CLVS1: variants seen among roughly 807,000 people sequenced by gnomAD.
The protein encoded by CLVS1 is clavesin-1.
Under a neutral mutation model 33.1 loss-of-function variants are expected in CLVS1, and 10 were observed. That is an observed-to-expected ratio of 0.30 (90% CI 0.19 to 0.51). CLVS1 has a LOEUF of 0.51. Among genes scored for constraint, CLVS1 ranks in the 20% least tolerant of loss-of-function variants. The probability of loss-of-function intolerance (pLI) is 0.97; values close to 1 mark genes in which losing one functional copy is unlikely to be tolerated. For missense variants in CLVS1, 343 were observed against 433.4 expected (o/e 0.79, Z 1.85); for synonymous variants, 163 against 166.1 (o/e 0.98, Z 0.14).
chr8:60,975,550 T>G, the CLVS1 span, among the ~76,000 whole-genome samples: 1 of 152,122 alleles, frequency 6.6e-6, no homozygotes, highest in African/African-American at 2.4e-5. Context: ...AAGACAAAAA[T>G]TTCCTGGAGC....
the CLVS1 span, among the ~76,000 whole-genome samples, chr8:60,979,846 G>C: frequency 6.6e-6 from 1 of 152,156 alleles, no homozygotes; most frequent in Non-Finnish European, 1.5e-5. Context: ...GTCCAGAAGA[G>C]GTGATTGTAG....
At chr8:61,340,561 C>A (rs1811995182) in intron 2 of CLVS1, among the ~76,000 whole-genome samples, 1 of 151,430 alleles carries the variant, frequency 6.6e-6, no homozygotes, top group East Asian at 1.9e-4. Context: ...TATATATATA[C>A]CACATTTAAA....
chr8:61,363,311 C>T (rs375895924), intron 2 of CLVS1, among the ~76,000 whole-genome samples: 24 of 152,132 alleles, frequency 1.6e-4, no homozygotes, highest in South Asian at 2.1e-4. Flanking sequence ...ACATATTTAA[C>T]GCATTTTCCA....
intron 2 of CLVS1, among the ~76,000 whole-genome samples, chr8:61,336,486 G>C (rs1311027011): frequency 6.6e-6 from 1 of 152,164 alleles, no homozygotes; most frequent in African/African-American, 2.4e-5. Flanking sequence ...CTCACCACCA[G>C]AGAAACCTCT....
intron 2 of CLVS1, among the ~76,000 whole-genome samples, chr8:61,204,628 G>T (rs1807802800): frequency 6.6e-6 from 1 of 152,074 alleles, no homozygotes; most frequent in Non-Finnish European, 1.5e-5. Flanking sequence ...AAAAATAAAA[G>T]AATTTCATAG....
intron 2 of CLVS1, among the ~76,000 whole-genome samples, chr8:61,199,881 T>C (rs1033883589): frequency 1.3e-5 from 2 of 152,212 alleles, no homozygotes; most frequent in African/African-American, 2.4e-5. Flanking sequence ...GTGTCCATTA[T>C]TAGTTTACCA....
intron 1 of CLVS1, among the ~76,000 whole-genome samples, chr8:61,122,626 C>G (rs1401116979): frequency 7.0e-6 from 1 of 142,496 alleles, no homozygotes; most frequent in African/African-American, 2.6e-5. Context: ...AAACAGCAAG[C>G]AAGAAGTGAA....
intron 3 of CLVS1, among the ~76,000 whole-genome samples, chr8:61,444,723 G>T (rs1398165125): frequency 6.6e-6 from 1 of 152,128 alleles, no homozygotes; most frequent in African/African-American, 2.4e-5. Context: ...TTGGGCAAGA[G>T]CCTTTATTGT....
At chr8:61,440,016 C>G (rs1176319339) in intron 3 of CLVS1, among the ~76,000 whole-genome samples, 2 of 152,202 alleles carry the variant, frequency 1.3e-5, no homozygotes, top group East Asian at 1.9e-4. Flanking sequence ...GTTATCTAAG[C>G]AATTTATTAG....
intron 1 of CLVS1, among the ~76,000 whole-genome samples, chr8:61,083,467 G>C (rs896243250): frequency 6.6e-6 from 1 of 152,154 alleles, no homozygotes; most frequent in Non-Finnish European, 1.5e-5. Context: ...CCCAACTGAG[G>C]GGGTTTGGGA....
chr8:61,458,471 C>T lies in CLVS1; in HGVS notation c.906C>T (p.Ser302=). 1 of 1,614,024 alleles carries T rather than the reference C, an allele frequency of 6.2e-7. No individual in the cohort carries two copies. The highest frequency in any genetic ancestry group is 1.1e-5 in the South Asian group (1 of 91,062). The stretch of plus-strand genomic sequence containing the variant: ...ATGAAAATGACTATACTCACACATC[C>T]TATAATGCAATGCACGTGAAGCATA... The part of the protein sequence containing the change: ...YSDENDYTHT[S]YNAMHVKHTS... Residue 302 remains serine, a synonymous_variant, in exon 5 of 6, where the codon TCC becomes TCT. Coordinates refer to ENST00000325897, the MANE Select transcript of CLVS1 (RefSeq NM_173519.3).
chr8:61,112,736 C>A (rs927193977), intron 1 of CLVS1, among the ~76,000 whole-genome samples: 2 of 152,126 alleles, frequency 1.3e-5, no homozygotes, highest in Non-Finnish European at 2.9e-5. Context: ...GACCTGTAAG[C>A]TTCAGGATTG....
rs527485273 is a variant in CLVS1, at chr8:61,221,005, G to T, written c.-151-78672G>T. 2.0e-5 allele frequency among the ~76,000 whole-genome samples: 3 copies of T among 152,248 alleles called. No individual in the cohort carries two copies. The South Asian group carries it at 6.2e-4, about 32-fold the overall frequency. On this transcript the variant is annotated intron_variant, in intron 2 of 2. Coordinates refer to the CLVS1 transcript ENST00000522621. ...CTGCTTGCCTATTATTGGTGTAAAGGAATGCTTGAGATTTTGCACATTTAT... is the reference window on the plus strand; with the variant it reads ...CTGCTTGCCTATTATTGGTGTAAAGTAATGCTTGAGATTTTGCACATTTAT...
chr8:61,350,555 C>T (rs1812412307), intron 2 of CLVS1, among the ~76,000 whole-genome samples: 1 of 152,158 alleles, frequency 6.6e-6, no homozygotes, highest in Admixed American at 6.6e-5. Flanking sequence ...TAAGGTAATG[C>T]TGTAATCTAC....
At chr8:61,084,979 T>C (rs943787832) in intron 1 of CLVS1, among the ~76,000 whole-genome samples, 4 of 152,154 alleles carry the variant, frequency 2.6e-5, no homozygotes, top group African/African-American at 9.6e-5. Flanking sequence ...CAAAAATTGG[T>C]ATGTCAATAC....
intron 2 of CLVS1, among the ~76,000 whole-genome samples, chr8:61,204,972 C>T (rs1807809711): frequency 6.6e-6 from 1 of 152,160 alleles, no homozygotes; most frequent in Non-Finnish European, 1.5e-5. Flanking sequence ...CATAAAGAAT[C>T]ATTGCTTACA....
chr8:61,461,069 G>A (rs1187593744), intron 5 of CLVS1, among the ~76,000 whole-genome samples: 1 of 152,238 alleles, frequency 6.6e-6, no homozygotes, highest in Non-Finnish European at 1.5e-5. Context: ...TGAGGTGTCT[G>A]TGGTGTTGGC....
intron 2 of CLVS1, among the ~76,000 whole-genome samples, chr8:61,350,512 T>G (rs1812410622): frequency 6.6e-6 from 1 of 152,166 alleles, no homozygotes; most frequent in African/African-American, 2.4e-5. Flanking sequence ...TTAGGAGATT[T>G]TTGGATCCTG....
At chr8:61,033,122 G>GA in the CLVS1 span, among the ~76,000 whole-genome samples, 39 of 21,164 alleles carry the variant, frequency 1.8e-3, 5 homozygotes, top group Non-Finnish European at 3.6e-3. Flanking sequence ...AAGGAAGGAA[G>GA]AAAGGAAAGA....
Sources: allele counts gnomAD v4.1 joint callset (sites outside exome capture counted in the v4.1 genomes callset), GRCh38; gene constraint gnomAD v4.1.1; transcripts MANE v1.5; gene names NCBI Gene and HGNC (gene_info 2026-07-23, HGNC 2026-07-21).